Variants in JAKMIP1 observed in about 807,000 individuals in gnomAD.
The protein encoded by JAKMIP1 is janus kinase and microtubule interacting protein 1.
A neutral mutation model predicts 113.0 loss-of-function variants in JAKMIP1; 33 were observed. That is an observed-to-expected ratio of 0.29 (90% CI 0.22 to 0.39). The LOEUF is 0.39. JAKMIP1 is among the 10% of genes least tolerant of loss of function. The probability of loss-of-function intolerance (pLI) is 1.00; values close to 1 mark genes in which losing one functional copy is unlikely to be tolerated. For missense variants in JAKMIP1, 813 were observed against 1,080.5 expected (o/e 0.75, Z 3.47); for synonymous variants, 480 against 459.9 (o/e 1.04, Z -0.56).
intron 8 of JAKMIP1, among the ~76,000 whole-genome samples, chr4:6,071,876 G>A (rs1352206559): frequency 1.3e-5 from 2 of 152,182 alleles, no homozygotes; most frequent in Non-Finnish European, 2.9e-5. Flanking sequence ...CCCCCAGCAG[G>A]TGGGACATGG....
At chr4:6,079,045 C>T in intron 7 of JAKMIP1, 47 bp from the exon 8 acceptor site, 2 of 1,608,188 alleles carry the variant, frequency 1.2e-6, no homozygotes, top group South Asian at 2.2e-5. Context: ...CCTCACATCT[C>T]ACAAACCAAA....
intron 1 of JAKMIP1, among the ~76,000 whole-genome samples, chr4:6,152,007 T>A (rs914138470): frequency 1.3e-5 from 2 of 151,840 alleles, no homozygotes; most frequent in African/African-American, 4.8e-5. Flanking sequence ...CCTGATACAC[T>A]GTTACCACTT....
chr4:6,084,805 T>C (rs1313353166), intron 5 of JAKMIP1, 41 bp downstream of exon 5: 5 of 1,590,336 alleles, frequency 3.1e-6, no homozygotes, highest in Non-Finnish European at 4.3e-6. Flanking sequence ...GCCCCTTCCT[T>C]GCACCCTATG....
At position 6,162,791 on chromosome 4, in the gene JAKMIP1, A is replaced by G. The variant is rs1254110442; in HGVS notation, c.-148+37462T>C. 6.6e-6 allele frequency among the ~76,000 whole-genome samples: 1 copy of G among 152,182 alleles called. No homozygotes were observed. Among genetic ancestry groups the G allele is most frequent in the African/African-American group, 2.4e-5 (1 of 41,444 alleles). On this transcript the variant is annotated intron_variant, in intron 1 of 20. Coordinates refer to ENST00000409021, the MANE Select transcript of JAKMIP1 (RefSeq NM_001099433.2). This position sits in a 1 kb window ranked among gnomAD's most constrained non-coding sequence, Gnocchi z 5.6. ...AGCCAGGAGCCAGGTGTGGGACCCA[A>G]GTGTTCCCCATTCCAAAGCCTGGGT... is the stretch of plus-strand genomic sequence containing the variant.
intron 3 of JAKMIP1, among the ~76,000 whole-genome samples, chr4:6,092,519 G>C (rs1390901199): frequency 2.0e-5 from 3 of 152,202 alleles, no homozygotes; most frequent in Non-Finnish European, 4.4e-5. Context: ...AAGCCATTGA[G>C]AGAACATTGT....
Position 6,029,670 on chromosome 4 carries a change from T to C in JAKMIP1, c.2445+46A>G, listed in dbSNP as rs1016926592. ...GAAATAAAATGATTCCGCACTAACA[T>C]TTCATGGAAAGAAACCTGGGGACAG... On this transcript the variant is annotated intron_variant, in intron 20 of 20. Transcript: ENST00000409021. 3.1e-6 allele frequency: 4 copies of C among 1,308,152 alleles called. No homozygotes were observed. The South Asian group carries it at 5.0e-5, about 16-fold the overall frequency. 81.0% of individuals were successfully genotyped at this position (1,308,152 alleles called of 1,614,324 possible).
At chr4:6,030,016 A>T (rs183565514) in intron 19 of JAKMIP1, among the ~76,000 whole-genome samples, 1 of 152,208 alleles carries the variant, frequency 6.6e-6, no homozygotes, top group Non-Finnish European at 1.5e-5. Context: ...TCTGCAAAGG[A>T]ATTCTGTTCT....
At chr4:6,096,270 C>T (rs945690560) in intron 3 of JAKMIP1, among the ~76,000 whole-genome samples, 2 of 152,214 alleles carry the variant, frequency 1.3e-5, no homozygotes, top group Non-Finnish European at 2.9e-5. Context: ...ATTTCATGAC[C>T]GGTGAGGTTA....
chr4:6,052,331 A>G (rs531977610), intron 13 of JAKMIP1, among the ~76,000 whole-genome samples: 1 of 152,172 alleles, frequency 6.6e-6, no homozygotes, highest in East Asian at 1.9e-4. Flanking sequence ...GGCCCCCAAA[A>G]CTCAGATTTT....
At chr4:6,103,398 G>A (rs192029961) in intron 3 of JAKMIP1, among the ~76,000 whole-genome samples, 1 of 152,284 alleles carries the variant, frequency 6.6e-6, no homozygotes, top group East Asian at 1.9e-4. Context: ...ATGTATTGCT[G>A]GATTTGATAT....
At chr4:6,063,568 C>T (rs79750360) in intron 9 of JAKMIP1, among the ~76,000 whole-genome samples, 8,605 of 152,194 alleles carry the variant, frequency 0.057, 745 homozygotes, top group African/African-American at 0.19. Context: ...GTGTCTCTCC[C>T]AGTGTGAGAA....
chr4:6,053,885 G>T (rs1715985960), intron 13 of JAKMIP1, 165 bp downstream of exon 13: 2 of 1,516,326 alleles, frequency 1.3e-6, no homozygotes, highest in Admixed American at 2.3e-5. Context: ...AAATTATTCT[G>T]AACATACAGA....
chr4:6,099,639 T>C (rs1712672972), intron 3 of JAKMIP1, among the ~76,000 whole-genome samples: 1 of 152,244 alleles, frequency 6.6e-6, no homozygotes, highest in Non-Finnish European at 1.5e-5. Context: ...TCTCAGACAT[T>C]GACTCTCCTT....
At position 6,194,973 on chromosome 4, in the gene JAKMIP1, G is replaced by A. The variant is rs1179763394; in HGVS notation, c.-148+5280C>T. Among the ~76,000 whole-genome samples, 3 of 152,146 alleles carry A rather than the reference G, an allele frequency of 2.0e-5. No individual in the cohort carries two copies. The highest frequency in any genetic ancestry group is 1.3e-4 in the Admixed American group (2 of 15,278). On this transcript the variant is annotated intron_variant, in intron 1 of 20. Transcript: ENST00000409021. This position sits in a 1 kb window ranked among gnomAD's most constrained non-coding sequence, Gnocchi z 7.4. ...GCGGTGGTGCCCAACAAAGGGACCC[G>A]CCACTGCAGCTGCTGTCCACGGCGT... is the stretch of plus-strand genomic sequence containing the variant.
At chr4:6,117,541 C>T (rs62284813) in intron 1 of JAKMIP1, among the ~76,000 whole-genome samples, 48,327 of 151,922 alleles carry the variant, frequency 0.32, 8,508 homozygotes, top group East Asian at 0.6. Context: ...ATTAAAATTG[C>T]TAATGAAGTT....
intron 5 of JAKMIP1, among the ~76,000 whole-genome samples, chr4:6,084,356 G>T: frequency 6.7e-6 from 1 of 150,094 alleles, no homozygotes. Context: ...TAATATTCAA[G>T]ATGATGACAA....
intron 7 of JAKMIP1, 73 bp from the exon 8 acceptor site, chr4:6,079,071 A>T: frequency 6.5e-7 from 1 of 1,546,794 alleles, no homozygotes; most frequent in East Asian, 2.3e-5. Context: ...TGGCTCTCAA[A>T]GGGAGCTGGG....
At chr4:6,124,397 C>T (rs527678089) in intron 1 of JAKMIP1, among the ~76,000 whole-genome samples, 5 of 152,276 alleles carry the variant, frequency 3.3e-5, no homozygotes, top group Admixed American at 6.5e-5. Context: ...TTAAGTGTGG[C>T]GGCTTAATCC....
At position 6,064,628 on chromosome 4, in the gene JAKMIP1, T is replaced by C. The variant is rs1366609346; in HGVS notation, c.1431+252A>G. ...TTGAACTTGGCAGCCACAGATTTCC[T>C]TGGTGGGGAAATCAGTGCTGGGGAA... On this transcript the variant is annotated intron_variant, in intron 9 of 20. Transcript: ENST00000409021. The surrounding 1 kb of genome is among the most constrained non-coding windows in gnomAD (Gnocchi z 4.3). Among the ~76,000 whole-genome samples, 2 of 152,034 alleles carry C rather than the reference T, an allele frequency of 1.3e-5. No individual in the cohort carries two copies. Among genetic ancestry groups the C allele is most frequent in the Non-Finnish European group, 2.9e-5 (2 of 68,020 alleles).
Sources: gnomAD v4.1 joint callset for allele counts (sites outside exome capture counted in the v4.1 genomes callset) on GRCh38, gnomAD v4.1.1 for gene constraint, Gnocchi (gnomAD v3.1) non-coding constraint, MANE v1.5 for transcripts, NCBI Gene and HGNC (gene_info 2026-07-23, HGNC 2026-07-21) for gene names.